The following NIN variants were observed in gnomAD, a reference collection of about 807,000 sequenced individuals.
NIN encodes the protein ninein, also known as glycogen synthase kinase 3 beta-interacting protein.
Under a neutral mutation model 257.6 loss-of-function variants are expected in NIN, and 137 were observed. The observed-to-expected ratio is 0.53, with a 90% CI of 0.46 to 0.61. The LOEUF is 0.61. Among genes scored for constraint, NIN ranks in the 20% least tolerant of loss-of-function variants. The probability of loss-of-function intolerance (pLI) is 0.00; values close to 1 mark genes in which losing one functional copy is unlikely to be tolerated. For synonymous variants in NIN, 918 were observed against 919.8 expected, an observed-to-expected ratio of 1.00 and a Z score of 0.04; for missense variants, 2,439 against 2,501.2, an observed-to-expected ratio of 0.98 and a Z score of 0.53.
chr14:50,758,127 C>G lies in NIN; in HGVS notation c.2903G>C (p.Arg968Pro). The G allele has an allele frequency of 6.2e-7, 1 of 1,614,172 alleles. No homozygotes were observed. The highest frequency in any genetic ancestry group is 8.5e-7 in the Non-Finnish European group (1 of 1,180,020). Reference protein sequence around the residue: ...AGASEQLASQRLERLEMEHDQ... With the variant: ...AGASEQLASQPLERLEMEHDQ... ...ATGTTCCATTTCTAGTCTTTCCAGC[C>G]GCTGGCTGGCCAGCTGCTCCGAAGC... Residue 968 changes from arginine (R) to proline (P), a missense_variant, in exon 18 of 31, where the codon CGG becomes CCG. Around this residue, in one of 3 missense-constraint regions of NIN, gnomAD observed 2,043 missense variants for 2,050.2 expected, o/e 1.00. Coordinates refer to ENST00000530997, the MANE Select transcript of NIN (RefSeq NM_020921.4).
chr14:50,744,680 G>C (rs1391711374), intron 22 of NIN, among the ~76,000 whole-genome samples: 1 of 152,164 alleles, frequency 6.6e-6, no homozygotes, highest in African/African-American at 2.4e-5. Context: ...GCTCACACCT[G>C]TAATCCCAGC....
intron 4 of NIN, among the ~76,000 whole-genome samples, chr14:50,803,591 T>C (rs1214821941): frequency 6.6e-6 from 1 of 152,212 alleles, no homozygotes; most frequent in Non-Finnish European, 1.5e-5. Flanking sequence ...TAAAGCCTTC[T>C]TGAATCACAT....
chr14:50,723,369 G>T lies in NIN; in HGVS notation c.*94C>A, dbSNP rs1379095171. 2.8e-6 allele frequency: 3 copies of T among 1,066,278 alleles called. No individual in the cohort carries two copies. Among genetic ancestry groups the T allele is most frequent in the Non-Finnish European group, 4.1e-6 (3 of 728,322 alleles). The allele number at this position is 1,066,278 out of a possible 1,614,324, so 66.1% of individuals were successfully genotyped here. A position where few individuals can be genotyped will look rare whatever the true frequency, so the allele number is the denominator to read the frequency against. On this transcript the variant is annotated 3_prime_UTR_variant, in exon 31 of 31. Coordinates refer to ENST00000530997, the MANE Select transcript of NIN (RefSeq NM_020921.4). Reference sequence around the variant, plus strand: ...GGAAACTCCAGTTGTGTTGCTGGCAGTTTTAGGTTAGGCTTAATTTTAAGT... The same window carrying T: ...GGAAACTCCAGTTGTGTTGCTGGCATTTTTAGGTTAGGCTTAATTTTAAGT...
In NIN at chr14:50,735,620, GT is replaced by G; in HGVS notation, c.5776-4del. On this transcript the variant is annotated splice_region_variant and splice_polypyrimidine_tract_variant and intron_variant, in intron 27 of 30. Coordinates refer to ENST00000530997, the MANE Select transcript of NIN (RefSeq NM_020921.4). ...TCAAGGGAATTCATCTGACTGACCT[GT>G]TTAAAAAAAACAAAATATTCCCTTG... 1 of 1,602,644 alleles carries G rather than the reference GT, an allele frequency of 6.2e-7. No homozygotes were observed. The highest frequency in any genetic ancestry group is 1.3e-5 in the African/African-American group (1 of 74,592).
rs115747398 is a variant in NIN at position 50,784,334 on chromosome 14, C to A, written c.436-5530G>T. Among the ~76,000 whole-genome samples, 330 of 152,292 alleles carry A rather than the reference C, an allele frequency of 2.2e-3. 2 individuals carry two copies. Among genetic ancestry groups the A allele is most frequent in the African/African-American group, 7.0e-3 (292 of 41,550 alleles). ...TAGGGGTTTAGACTGCAGAACCATACTCGAGTTCAATTTCCGCTCTACTAC... is the reference window on the plus strand; with the variant it reads ...TAGGGGTTTAGACTGCAGAACCATAATCGAGTTCAATTTCCGCTCTACTAC... On this transcript the variant is annotated intron_variant, in intron 5 of 30. Coordinates refer to ENST00000530997, the MANE Select transcript of NIN (RefSeq NM_020921.4).
At chr14:50,758,793 G>T (rs565512376) in intron 17 of NIN, among the ~76,000 whole-genome samples, 163 bp from the exon 18 acceptor site, 15 of 152,308 alleles carry the variant, frequency 9.8e-5, no homozygotes, top group African/African-American at 3.6e-4. Flanking sequence ...ACTGGAAAGG[G>T]ATCTCATTTC....
chr14:50,730,975 C>T, intron 28 of NIN: 1 of 1,343,700 alleles, frequency 7.4e-7, no homozygotes, highest in South Asian at 1.2e-5. Context: ...TACTTCCAAC[C>T]ACTGAGTTCT....
At chr14:50,829,176 A>G (rs1174606226) in intron 2 of NIN, among the ~76,000 whole-genome samples, 4 of 152,212 alleles carry the variant, frequency 2.6e-5, no homozygotes, top group African/African-American at 9.6e-5. Context: ...CTCCCAAAGG[A>G]CACTGACAAT....
intron 29 of NIN, 33 bp downstream of exon 29, chr14:50,729,490 A>G: frequency 6.3e-7 from 1 of 1,578,596 alleles, no homozygotes; most frequent in South Asian, 1.1e-5. Flanking sequence ...TAAAATTAAC[A>G]GGTGATCTAC....
At chr14:50,730,416 T>C (rs2040633168) in intron 28 of NIN, among the ~76,000 whole-genome samples, 1 of 152,150 alleles carries the variant, frequency 6.6e-6, no homozygotes, top group African/African-American at 2.4e-5. Context: ...CACAGCATTT[T>C]GGGCAGTGAG....
chr14:50,815,553 G>A (rs2044853297), intron 3 of NIN, among the ~76,000 whole-genome samples: 2 of 152,064 alleles, frequency 1.3e-5, no homozygotes, highest in Admixed American at 6.6e-5. Context: ...TATACCCAAA[G>A]GAATATAAGT....
chr14:50,800,346 AAATCTG>A (rs2044042486), intron 4 of NIN, among the ~76,000 whole-genome samples: 1 of 152,172 alleles, frequency 6.6e-6, no homozygotes, highest in African/African-American at 2.4e-5. Context: ...AGATTTTAGG[AAATCTG>A]AAGTATATCA....
At chr14:50,759,474 CAA>C (rs2042178940) in intron 17 of NIN, among the ~76,000 whole-genome samples, 1 of 150,456 alleles carries the variant, frequency 6.6e-6, no homozygotes, top group South Asian at 2.1e-4. Context: ...CTGACTTCTT[CAA>C]GTCTCTTAAG....
intron 12 of NIN, among the ~76,000 whole-genome samples, chr14:50,767,537 G>C (rs1312247964): frequency 6.6e-6 from 1 of 152,146 alleles, no homozygotes; most frequent in Non-Finnish European, 1.5e-5. Context: ...GTAACTCTAG[G>C]CCAGGCATAG....
At position 50,739,423 on chromosome 14, in the gene NIN, C is replaced by CA. The variant is rs765659595; in HGVS notation, c.5512dup (p.Trp1838LeufsTer10). 2 of 1,614,108 alleles carry CA rather than the reference C, an allele frequency of 1.2e-6. No individual in the cohort carries two copies. Among genetic ancestry groups the CA allele is most frequent in the African/African-American group, 2.7e-5 (2 of 74,930 alleles). On this transcript the variant is annotated frameshift_variant, in exon 26 of 31. Coordinates refer to ENST00000530997, the MANE Select transcript of NIN (RefSeq NM_020921.4). LOFTEE classifies it high-confidence loss of function. Reference sequence around the variant, plus strand: ...ATTCATCAGATGATCCAACTTGTCCCAGGACAGCCTTTTCTGCTGGTTATG... The same window carrying CA: ...ATTCATCAGATGATCCAACTTGTCCCAAGGACAGCCTTTTCTGCTGGTTATG...
rs553397695 is a variant in NIN at position 50,737,408 on chromosome 14, G to C, written c.5775+732C>G. 9.5e-5 allele frequency among the ~76,000 whole-genome samples: 14 copies of C among 146,622 alleles called. No individual in the cohort carries two copies. In the East Asian group the frequency reaches 2.7e-3, roughly 28 times the overall value. On this transcript the variant is annotated intron_variant, in intron 27 of 30. Coordinates refer to ENST00000530997, the MANE Select transcript of NIN (RefSeq NM_020921.4). ...ACATGTAGACTGCATCCTCATGAGA[G>C]CCCTGAGTTGGACCACCCAGCTAAG...
At chr14:50,778,100 A>G (rs925656834) in intron 6 of NIN, among the ~76,000 whole-genome samples, 2 of 152,236 alleles carry the variant, frequency 1.3e-5, no homozygotes, top group Admixed American at 6.5e-5. Flanking sequence ...TGGCCAGAGG[A>G]TCAACGTGTT....
Position 50,738,217 on chromosome 14 carries a change from G to A in NIN, c.5698C>T (p.Pro1900Ser). Reference sequence around the variant, plus strand: ...AAGCTCAATTTTTCTTGCTCTGTGGGATTCATGGTACCTGATGGGTTTAGA... The same window carrying A: ...AAGCTCAATTTTTCTTGCTCTGTGGAATTCATGGTACCTGATGGGTTTAGA... ...KHLNPSGTMN[P>S]TEQEKLSLKR... Residue 1900 changes from proline to serine, a missense_variant, in exon 27 of 31, where the codon CCC becomes TCC. Physicochemically the swap from Pro to Ser is moderately conservative, Grantham distance 74. This residue lies in a region of NIN where 2,043 missense variants were observed against 2,050.2 expected (regional missense o/e 1.00). Coordinates refer to ENST00000530997, the MANE Select transcript of NIN (RefSeq NM_020921.4). The A allele has an allele frequency of 1.9e-6, 3 of 1,614,086 alleles. No homozygotes were observed. In the East Asian group the frequency reaches 6.7e-5, roughly 36 times the overall value.
At chr14:50,829,336 G>A (rs1425513114) in intron 2 of NIN, among the ~76,000 whole-genome samples, 1 of 152,144 alleles carries the variant, frequency 6.6e-6, no homozygotes, top group Non-Finnish European at 1.5e-5. Context: ...TGCTCACCAC[G>A]AGAGAAGACT....
Sources: allele counts gnomAD v4.1 joint callset (sites outside exome capture counted in the v4.1 genomes callset), GRCh38; gene constraint gnomAD v4.1.1; regional missense constraint gnomAD v4.1.1; transcripts MANE v1.5; gene names NCBI Gene and HGNC (gene_info 2026-07-23, HGNC 2026-07-21).